ANKRD17: variants seen among roughly 807,000 people sequenced by gnomAD.
ANKRD17 encodes the protein ankyrin repeat domain-containing protein 17.
A neutral mutation model predicts 229.7 loss-of-function variants in ANKRD17; 19 were observed. The ratio of observed to expected loss-of-function variants is 0.08; its 90% confidence interval spans 0.06 to 0.12. The LOEUF is 0.12. Ranked by LOEUF, ANKRD17 falls within the 10% of genes least tolerant of loss-of-function variation. ANKRD17 has a pLI of 1.00. For synonymous variants in ANKRD17, 1,112 were observed against 1,146.1 expected (o/e 0.97, Z 0.60); for missense variants, 2,176 against 3,176.8 (o/e 0.68, Z 7.57).
chr4:73,155,584 C>A, intron 5 of ANKRD17, 47 bp downstream of exon 5: 1 of 1,597,066 alleles, frequency 6.3e-7, no homozygotes, highest in Non-Finnish European at 8.6e-7. Flanking sequence ...TCATTATTAC[C>A]AAATGATGTT....
At chr4:73,132,362 GC>G (rs1241943014) in intron 16 of ANKRD17, among the ~76,000 whole-genome samples, 2 of 152,166 alleles carry the variant, frequency 1.3e-5, no homozygotes, top group African/African-American at 4.8e-5. Flanking sequence ...ATCCACCTCG[GC>G]CTCCCAGAGC....
At chr4:73,179,480 G>C (rs1404042631) in intron 1 of ANKRD17, among the ~76,000 whole-genome samples, 1 of 60,282 alleles carries the variant, frequency 1.7e-5, no homozygotes, top group African/African-American at 6.2e-5. Flanking sequence ...GTGTGTGTGT[G>C]TGTGTGTGTA....
intron 16 of ANKRD17, among the ~76,000 whole-genome samples, chr4:73,132,963 T>G (rs1490323648): frequency 6.6e-6 from 1 of 152,176 alleles, no homozygotes. Flanking sequence ...CATAATAGTC[T>G]CAGCTGTGTG....
intron 1 of ANKRD17, among the ~76,000 whole-genome samples, chr4:73,203,423 G>T (rs776405183): frequency 6.6e-6 from 1 of 152,114 alleles, no homozygotes; most frequent in Non-Finnish European, 1.5e-5. Context: ...CGTGTAACTG[G>T]AATTCCAGAA....
At chr4:73,113,005 C>T (rs769479467) in intron 24 of ANKRD17, 1 of 838,466 alleles carries the variant, frequency 1.2e-6, no homozygotes, top group Non-Finnish European at 1.5e-6. Context: ...CCAGGCTGGT[C>T]TCAAGCTCCT....
chr4:73,175,962 C>T (rs898399131), intron 2 of ANKRD17, among the ~76,000 whole-genome samples: 1 of 149,850 alleles, frequency 6.7e-6, no homozygotes, highest in Admixed American at 6.6e-5. Context: ...AATGGGATCA[C>T]ATCAAGTTAA....
intron 28 of ANKRD17, among the ~76,000 whole-genome samples, chr4:73,093,858 T>G (rs1373382903): frequency 1.3e-5 from 2 of 152,214 alleles, no homozygotes; most frequent in Non-Finnish European, 2.9e-5. Context: ...TTGCTACACA[T>G]GCATACAAAT....
Position 73,147,349 on chromosome 4 carries a change from C to T in ANKRD17, c.1651G>A (p.Asp551Asn), listed in dbSNP as rs764519915. Reference sequence around the variant, plus strand: ...TCGGCTCCTGCCTTAATTAGAAAGTCTGCCACTTCCAGAAAGCCTCCACAG... The same window carrying T: ...TCGGCTCCTGCCTTAATTAGAAAGTTTGCCACTTCCAGAAAGCCTCCACAG... ...ACCGGFLEVA[D>N]FLIKAGADIE... The change falls in exon 9 of 34, where the codon GAC (aspartate) becomes AAC (asparagine). Residue 551 changes from aspartate to asparagine, a missense_variant. This residue lies in a region of ANKRD17 where 275 missense variants were observed against 386.9 expected (regional missense o/e 0.71). Transcript: ENST00000358602. The T allele has an allele frequency of 6.2e-7, 1 of 1,610,416 alleles. No homozygotes were observed. Among genetic ancestry groups the T allele is most frequent in the East Asian group, 2.2e-5 (1 of 44,756 alleles).
chr4:73,236,770 A>G (rs1317300643), intron 1 of ANKRD17, among the ~76,000 whole-genome samples: 1 of 152,194 alleles, frequency 6.6e-6, no homozygotes, highest in African/African-American at 2.4e-5. Context: ...TAGTGTGCTA[A>G]ATAATGTAGA....
intron 2 of ANKRD17, among the ~76,000 whole-genome samples, chr4:73,173,437 A>G (rs370961812): frequency 9.2e-5 from 14 of 152,340 alleles, no homozygotes; most frequent in African/African-American, 3.4e-4. Flanking sequence ...GAAAGATGGC[A>G]GAGAGGAGAG....
intron 2 of ANKRD17, 74 bp downstream of exon 2, chr4:73,177,306 T>A: frequency 7.5e-7 from 1 of 1,328,600 alleles, no homozygotes; most frequent in Admixed American, 2.6e-5. Flanking sequence ...CATTCATTTT[T>A]AACAAGAGCT....
At chr4:73,085,945 G>T (rs1157092769) in intron 29 of ANKRD17, among the ~76,000 whole-genome samples, 1 of 152,032 alleles carries the variant, frequency 6.6e-6, no homozygotes, top group African/African-American at 2.4e-5. Flanking sequence ...GAGCTGTGAT[G>T]GCACCACTGC....
chr4:73,166,246 G>C (rs1247868109), intron 2 of ANKRD17, among the ~76,000 whole-genome samples: 1 of 152,122 alleles, frequency 6.6e-6, no homozygotes, highest in Non-Finnish European at 1.5e-5. Flanking sequence ...TCTTAAATAT[G>C]AAAAGCCAAC....
intron 1 of ANKRD17, among the ~76,000 whole-genome samples, chr4:73,226,389 G>GTTTTTTTTTTTTTTTTTTT (rs1157719883): frequency 3.4e-5 from 3 of 87,614 alleles, no homozygotes; most frequent in Admixed American, 1.7e-4. Flanking sequence ...CTTTTCTTCT[G>GTTTTTTTTTTTTTTTTTTT]TTTTTTTTTT....
At chr4:73,088,917 C>G (rs931778149) in intron 29 of ANKRD17, among the ~76,000 whole-genome samples, 3 of 152,114 alleles carry the variant, frequency 2.0e-5, no homozygotes, top group Non-Finnish European at 2.9e-5. Flanking sequence ...TCAATTCTGT[C>G]ATTGTAGCAT....
chr4:73,155,893 A>G, intron 4 of ANKRD17, 115 bp from the exon 5 acceptor site: 1 of 1,478,090 alleles, frequency 6.8e-7, no homozygotes, highest in African/African-American at 1.4e-5. Flanking sequence ...AGCACACAAA[A>G]TTTATCTAAC....
intron 1 of ANKRD17, among the ~76,000 whole-genome samples, chr4:73,225,861 CAAAAAAAAAAAAAA>C (rs375866026): frequency 2.7e-4 from 18 of 66,698 alleles, no homozygotes; most frequent in Non-Finnish European, 4.2e-4. Flanking sequence ...GACTCTGTCT[CAAAAAAAAAAAAAA>C]AAAAAAAAAA....
chr4:73,258,372 TCCA>T lies in ANKRD17; in HGVS notation c.294_296del (p.Gly110del). The T allele has an allele frequency of 1.9e-6, 3 of 1,592,050 alleles. No individual in the cohort carries two copies. Among genetic ancestry groups the T allele is most frequent in the Non-Finnish European group, 2.6e-6 (3 of 1,167,398 alleles). Reference sequence around the variant, plus strand: ...CGCCACCTCCGCCTCCACCGCCGCCTCCACCGCCGCCGCTGTTGTCGCTGTCGC... The same window carrying T: ...CGCCACCTCCGCCTCCACCGCCGCCTCCGCCGCCGCTGTTGTCGCTGTCGC... On this transcript the variant is annotated inframe_deletion, in exon 1 of 34. Coordinates refer to ENST00000358602, the MANE Select transcript of ANKRD17 (RefSeq NM_032217.5).
intron 1 of ANKRD17, among the ~76,000 whole-genome samples, chr4:73,225,032 AC>A (rs1742326019): frequency 6.6e-6 from 1 of 152,208 alleles, no homozygotes; most frequent in Non-Finnish European, 1.5e-5. Context: ...CTCATACCAT[AC>A]CTAGTGTTTA....
Sources: allele counts gnomAD v4.1 joint callset (sites outside exome capture counted in the v4.1 genomes callset), GRCh38; gene constraint gnomAD v4.1.1; regional missense constraint gnomAD v4.1.1; transcripts MANE v1.5; gene names NCBI Gene and HGNC (gene_info 2026-07-23, HGNC 2026-07-21).